The following PGM5 variants were observed in gnomAD, a reference collection of about 807,000 sequenced individuals.
PGM5 encodes the protein phosphoglucomutase 5, also known as phosphoglucomutase-like protein 5.
Under a neutral mutation model 59.2 loss-of-function variants are expected in PGM5, and 23 were observed. The ratio of observed to expected loss-of-function variants is 0.39; its 90% CI spans 0.28 to 0.55. The LOEUF is 0.55. Among genes scored for constraint, PGM5 ranks in the 20% least tolerant of loss-of-function variants. PGM5 has a pLI of 0.66. For synonymous variants in PGM5, 214 were observed against 286.0 expected (o/e 0.75, Z 2.54); for missense variants, 574 against 748.3 (o/e 0.77, Z 2.72).
intron 6 of PGM5, among the ~76,000 whole-genome samples, chr9:68,420,566 T>A (rs1044448358): frequency 6.6e-6 from 1 of 152,198 alleles, no homozygotes; most frequent in Non-Finnish European, 1.5e-5. Flanking sequence ...TGTGATGACA[T>A]TTTCTTAAAA....
chr9:68,429,914 C>T (rs142683080), intron 6 of PGM5, among the ~76,000 whole-genome samples: 8 of 152,320 alleles, frequency 5.3e-5, no homozygotes, highest in Non-Finnish European at 8.8e-5. Flanking sequence ...AGTCCTCTGT[C>T]GCACAGGGAA....
At chr9:68,517,047 CTTT>C (rs781374136) in intron 10 of PGM5, among the ~76,000 whole-genome samples, 1 of 139,460 alleles carries the variant, frequency 7.2e-6, no homozygotes. Context: ...AATTTTTTGT[CTTT>C]TTTTTTTTTT....
rs1554677806 is a variant in PGM5 at position 68,376,864 on chromosome 9, T to TCTTTTCTTTC, written c.262-1335_262-1334insCTTTTCTTTC. On this transcript the variant is annotated intron_variant, in intron 1 of 10. Coordinates refer to ENST00000396396, the MANE Select transcript of PGM5 (RefSeq NM_021965.4). ...CTTTCTTTCTTTCTCTTTCTTTCTT[T>TCTTTTCTTTC]TTTCTTTCTCTTTCTTTCTTTTTTT... Among the ~76,000 whole-genome samples the TCTTTTCTTTC allele has an allele frequency of 4.4e-4, 51 of 115,220 alleles. 3 individuals are homozygous for TCTTTTCTTTC. The highest frequency in any genetic ancestry group is 3.6e-4 in the Admixed American group (4 of 11,168). 75.6% of individuals were successfully genotyped at this position (115,220 alleles called of 152,430 possible).
intron 1 of PGM5, among the ~76,000 whole-genome samples, chr9:68,372,184 CA>C (rs1405812646): frequency 6.6e-6 from 1 of 151,808 alleles, no homozygotes; most frequent in Admixed American, 6.6e-5. Context: ...TTTAAAATCA[CA>C]GAAATTTATT....
In PGM5 at chr9:68,479,512, C is replaced by G. The variant is rs782284984; in HGVS notation, c.1254C>G (p.Val418=). The G allele has an allele frequency of 6.2e-7, 1 of 1,613,960 alleles. No individual in the cohort carries two copies. The highest frequency in any genetic ancestry group is 8.5e-7 in the Non-Finnish European group (1 of 1,179,990). The stretch of plus-strand genomic sequence containing the variant: ...GGAAGCAGAGTGTGGAGGAAATTGT[C>G]CGAGATCACTGGGCCAAATTTGGCC... ...AARKQSVEEI[V]RDHWAKFGRH... Residue 418 remains valine, a synonymous_variant, in exon 8 of 11, where the codon GTC becomes GTG. Coordinates refer to ENST00000396396, the MANE Select transcript of PGM5 (RefSeq NM_021965.4).
chr9:68,409,674 A>G (rs1458489448), intron 6 of PGM5, among the ~76,000 whole-genome samples: 2 of 138,332 alleles, frequency 1.4e-5, no homozygotes, highest in South Asian at 5.0e-4. Flanking sequence ...GAATTGAACA[A>G]TGAGAACACA....
intron 6 of PGM5, among the ~76,000 whole-genome samples, chr9:68,399,777 T>A (rs1239186836): frequency 1.3e-5 from 2 of 152,224 alleles, no homozygotes; most frequent in Non-Finnish European, 2.9e-5. Flanking sequence ...ATTTTACTCC[T>A]GAGTTCGATA....
At chr9:68,433,978 G>T (rs1823397963) in intron 6 of PGM5, among the ~76,000 whole-genome samples, 1 of 152,166 alleles carries the variant, frequency 6.6e-6, no homozygotes, top group Non-Finnish European at 1.5e-5. Flanking sequence ...CTATTCACCA[G>T]TTCCTAAGAG....
chr9:68,423,809 G>A (rs782081824), intron 6 of PGM5, among the ~76,000 whole-genome samples: 13 of 152,152 alleles, frequency 8.5e-5, no homozygotes, highest in East Asian at 1.9e-4. Context: ...GTGTGGTCAC[G>A]CATACACGTA....
chr9:68,504,170 G>A (rs960231341), intron 10 of PGM5, among the ~76,000 whole-genome samples: 2 of 152,156 alleles, frequency 1.3e-5, no homozygotes, highest in African/African-American at 4.8e-5. Context: ...TTCTATTTCT[G>A]TTGCTTATTG....
intron 10 of PGM5, among the ~76,000 whole-genome samples, chr9:68,500,642 G>T (rs1824557904): frequency 2.0e-5 from 3 of 152,148 alleles, no homozygotes; most frequent in Non-Finnish European, 4.4e-5. Flanking sequence ...GCAAGAATTT[G>T]GGGCTTACCC....
rs781987353 is a variant in PGM5 at position 68,437,548 on chromosome 9, G to A, written c.1044-27545G>A. ...GGATCTCTAGGCATCTCAAGGATAGGAATCAATTTTTCAAAGGGACACACA... is the reference window on the plus strand; with the variant it reads ...GGATCTCTAGGCATCTCAAGGATAGAAATCAATTTTTCAAAGGGACACACA... On this transcript the variant is annotated intron_variant, in intron 6 of 10. Transcript: ENST00000396396. The surrounding 1 kb of genome is among the most constrained non-coding windows in gnomAD (Gnocchi z 4.1). Among the ~76,000 whole-genome samples, 2 of 151,472 alleles carry A rather than the reference G, an allele frequency of 1.3e-5. No homozygotes were observed. The highest frequency in any genetic ancestry group is 2.9e-5 in the Non-Finnish European group (2 of 67,880).
intron 10 of PGM5, among the ~76,000 whole-genome samples, chr9:68,525,949 A>G (rs925679776): frequency 1.3e-5 from 2 of 152,034 alleles, no homozygotes; most frequent in Non-Finnish European, 2.9e-5. Flanking sequence ...CCAGCTACTC[A>G]GGAGGCTGAG....
rs1554680830 is a variant in PGM5 at position 68,403,273 on chromosome 9, C to T, written c.1043+10800C>T. The stretch of plus-strand genomic sequence containing the variant: ...ATGCCTGATGATCTGTCACTGTCTC[C>T]CATCATCTCCAGATGGGAACCATCT... On this transcript the variant is annotated intron_variant, in intron 6 of 10. Coordinates refer to ENST00000396396, the MANE Select transcript of PGM5 (RefSeq NM_021965.4). Among the ~76,000 whole-genome samples the T allele has an allele frequency of 2.0e-5, 3 of 152,266 alleles. No individual in the cohort carries two copies. The East Asian group carries it at 5.8e-4, about 29-fold the overall frequency.
intron 6 of PGM5, chr9:68,398,675 A>G (rs1241054132): frequency 6.6e-6 from 1 of 152,196 alleles, no homozygotes; most frequent in Non-Finnish European, 1.5e-5. Flanking sequence ...AGGGCAGCCT[A>G]TGGAGTTCTG....
At chr9:68,488,920 A>T (rs1283476366) in intron 9 of PGM5, among the ~76,000 whole-genome samples, 3 of 152,192 alleles carry the variant, frequency 2.0e-5, no homozygotes, top group Non-Finnish European at 4.4e-5. Context: ...ATGGCTAAGT[A>T]GTTAAAGGAG....
chr9:68,488,945 C>T (rs1554687725), intron 9 of PGM5, among the ~76,000 whole-genome samples: 1 of 152,112 alleles, frequency 6.6e-6, no homozygotes, highest in Admixed American at 6.5e-5. Context: ...CAGTTTATAC[C>T]TTCTAAAGAG....
At chr9:68,497,123 T>C (rs1284990050) in intron 9 of PGM5, 3 of 152,208 alleles carry the variant, frequency 2.0e-5, no homozygotes, top group African/African-American at 7.2e-5. Context: ...AATACAGTGA[T>C]TTGTAGACAG....
intron 6 of PGM5, among the ~76,000 whole-genome samples, chr9:68,398,906 G>A (rs1554680283): frequency 2.0e-5 from 3 of 152,002 alleles, no homozygotes; most frequent in African/African-American, 2.4e-5. Context: ...TGGTCTGATT[G>A]AAGGCTCATT....
Sources: allele counts gnomAD v4.1 joint callset (sites outside exome capture counted in the v4.1 genomes callset), GRCh38; gene constraint gnomAD v4.1.1; non-coding constraint Gnocchi (gnomAD v3.1); transcripts MANE v1.5; gene names NCBI Gene and HGNC (gene_info 2026-07-23, HGNC 2026-07-21).